Variants in KCNT2 observed in about 807,000 individuals in gnomAD.
KCNT2 encodes potassium channel subfamily T member 2.
In KCNT2, 67 loss-of-function variants were observed where a neutral mutation model predicts 153.8. That is an observed-to-expected ratio of 0.44 (90% CI 0.36 to 0.53). KCNT2 has a LOEUF of 0.53. Among genes scored for constraint, KCNT2 ranks in the 20% least tolerant of loss-of-function variants. KCNT2 has a pLI of 0.00. For synonymous variants in KCNT2, 500 were observed against 458.8 expected, an observed-to-expected ratio of 1.09 and a Z score of -1.15; for missense variants, 975 against 1,354.8, an observed-to-expected ratio of 0.72 and a Z score of 4.40.
At chr1:196,322,308 G>A (rs1663400566) in intron 19 of KCNT2, among the ~76,000 whole-genome samples, 1 of 151,788 alleles carries the variant, frequency 6.6e-6, no homozygotes. Context: ...GTAGACCACA[G>A]TTGCTTAATA....
In KCNT2 at chr1:196,398,658, A is replaced by G. The variant is rs966003012; in HGVS notation, c.1199T>C (p.Ile400Thr). ...VDRTSSDHQT[I>T]LRAWAVKDFA... Reference sequence around the variant, plus strand: ...ATCTTTCACAGCCCATGCTCTCAAAATTGTTTGGTGATCCTGAAGTGATCA... The same window carrying G: ...ATCTTTCACAGCCCATGCTCTCAAAGTTGTTTGGTGATCCTGAAGTGATCA... The change falls in exon 13 of 28, where the codon ATT becomes ACT. Residue 400 changes from isoleucine to threonine, a missense_variant. Ile to Thr is a moderately conservative substitution (Grantham distance 89). Transcript: ENST00000294725. 3.8e-6 allele frequency: 6 copies of G among 1,595,034 alleles called. No homozygotes were observed. Among genetic ancestry groups the G allele is most frequent in the Non-Finnish European group, 5.2e-6 (6 of 1,164,154 alleles).
intron 22 of KCNT2, among the ~76,000 whole-genome samples, chr1:196,287,131 G>A (rs1010644492): frequency 1.3e-5 from 2 of 152,036 alleles, no homozygotes; most frequent in Admixed American, 1.3e-4. Context: ...GTAAGGCAAA[G>A]GATAGGAAAG....
rs1677517913 is a variant in KCNT2, at chr1:196,465,397, T to C, written c.544-10A>G. ...CTCTGTGTAGATCATTCTAAAATAATACAGAAAAAAAGTTGTAAATTTTGA... is the reference window on the plus strand; with the variant it reads ...CTCTGTGTAGATCATTCTAAAATAACACAGAAAAAAAGTTGTAAATTTTGA... On this transcript the variant is annotated splice_polypyrimidine_tract_variant and intron_variant, in intron 7 of 27. Coordinates refer to ENST00000294725, the MANE Select transcript of KCNT2 (RefSeq NM_198503.5). 3 of 1,525,838 alleles carry C rather than the reference T, an allele frequency of 2.0e-6. No individual in the cohort carries two copies. Among genetic ancestry groups the C allele is most frequent in the East Asian group, 2.3e-5 (1 of 43,790 alleles). The allele number at this position is 1,525,838 out of a possible 1,614,324, so 94.5% of individuals were successfully genotyped here. A position where few individuals can be genotyped will look rare whatever the true frequency, so the allele number is the denominator to read the frequency against.
intron 13 of KCNT2, among the ~76,000 whole-genome samples, chr1:196,373,712 A>C (rs1202695363): frequency 1.3e-5 from 2 of 151,948 alleles, no homozygotes; most frequent in Non-Finnish European, 2.9e-5. Flanking sequence ...TTTAGAAAGT[A>C]ATTATTAAAA....
At chr1:196,592,647 A>T (rs1663515703) in intron 1 of KCNT2, among the ~76,000 whole-genome samples, 1 of 147,136 alleles carries the variant, frequency 6.8e-6, no homozygotes, top group Non-Finnish European at 1.5e-5. Flanking sequence ...ATAGTTAGAA[A>T]TACATATATA....
chr1:196,576,517 A>T (rs1271113961), intron 1 of KCNT2, among the ~76,000 whole-genome samples: 1 of 152,148 alleles, frequency 6.6e-6, no homozygotes, highest in Non-Finnish European at 1.5e-5. Context: ...AAAATTTTGC[A>T]CATTATTCTT....
At chr1:196,371,015 T>A (rs1668482393) in intron 14 of KCNT2, among the ~76,000 whole-genome samples, 2 of 151,926 alleles carry the variant, frequency 1.3e-5, no homozygotes, top group South Asian at 4.1e-4. Flanking sequence ...TGCACATATA[T>A]CCCCTGAATC....
At chr1:196,286,638 T>TACACACAC (rs201006771) in intron 22 of KCNT2, among the ~76,000 whole-genome samples, 27 of 134,310 alleles carry the variant, frequency 2.0e-4, no homozygotes, top group African/African-American at 4.5e-4. Flanking sequence ...CACACACACA[T>TACACACAC]ACACACACAC....
intron 12 of KCNT2, among the ~76,000 whole-genome samples, chr1:196,408,775 A>G (rs1672043407): frequency 6.6e-6 from 1 of 151,632 alleles, no homozygotes; most frequent in African/African-American, 2.4e-5. Context: ...TCTCTGCTAT[A>G]TCTTTTCTGG....
At chr1:196,442,715 G>A (rs932607131) in intron 8 of KCNT2, among the ~76,000 whole-genome samples, 1 of 151,572 alleles carries the variant, frequency 6.6e-6, no homozygotes, top group Non-Finnish European at 1.5e-5. Context: ...ACAGGACTCT[G>A]AAGCAGAGAA....
intron 14 of KCNT2, among the ~76,000 whole-genome samples, chr1:196,343,462 T>C (rs570162578): frequency 6.6e-6 from 1 of 152,190 alleles, no homozygotes; most frequent in East Asian, 1.9e-4. Context: ...AAAATCAAAA[T>C]AATTTATCAT....
At chr1:196,588,074 G>A (rs1183001541) in intron 1 of KCNT2, among the ~76,000 whole-genome samples, 2 of 152,004 alleles carry the variant, frequency 1.3e-5, no homozygotes, top group African/African-American at 4.8e-5. Context: ...AAAGAAAGGG[G>A]CAAATTCTCT....
At chr1:196,228,386 C>A (rs1653657493) in intron 27 of KCNT2, 51 bp from the exon 28 acceptor site, 1 of 872,462 alleles carries the variant, frequency 1.1e-6, no homozygotes, top group Non-Finnish European at 1.9e-6. Flanking sequence ...ATACAGGCAA[C>A]ATTAATTCAC....
intron 25 of KCNT2, among the ~76,000 whole-genome samples, chr1:196,274,605 T>G (rs1658380925): frequency 6.6e-6 from 1 of 151,784 alleles, no homozygotes; most frequent in Non-Finnish European, 1.5e-5. Context: ...CTTCCCATTG[T>G]AATAGTAAAG....
At chr1:196,364,373 C>A (rs1667872122) in intron 14 of KCNT2, among the ~76,000 whole-genome samples, 1 of 152,112 alleles carries the variant, frequency 6.6e-6, no homozygotes. Flanking sequence ...GGTATTAACA[C>A]CCATCCAAAA....
intron 1 of KCNT2, among the ~76,000 whole-genome samples, chr1:196,510,200 G>A (rs76382403): frequency 0.03 from 4,584 of 152,164 alleles, 235 homozygotes; most frequent in African/African-American, 0.11. Context: ...GCCCATGTAA[G>A]TTAAAAGAAC....
At chr1:196,515,252 T>C (rs891855985) in intron 1 of KCNT2, among the ~76,000 whole-genome samples, 2 of 152,112 alleles carry the variant, frequency 1.3e-5, no homozygotes, top group African/African-American at 2.4e-5. Flanking sequence ...GGCTTGCAAA[T>C]AGAACTGAGA....
At position 196,300,559 on chromosome 1, in the gene KCNT2, G is replaced by A. The variant is rs1244776110; in HGVS notation, c.2595+4675C>T. ...GGAGGGCAATGTCCTCATATCTGAA[G>A]ACAAAGAGATGCCAAGAAGATCTGA... On this transcript the variant is annotated intron_variant, in intron 22 of 27. Coordinates refer to ENST00000294725, the MANE Select transcript of KCNT2 (RefSeq NM_198503.5). Among the ~76,000 whole-genome samples the A allele has an allele frequency of 2.0e-5, 3 of 152,066 alleles. No homozygotes were observed. In the East Asian group the frequency reaches 5.8e-4, roughly 30 times the overall value.
chr1:196,285,625 T>G (rs1659584632), intron 23 of KCNT2, 32 bp downstream of exon 23: 1 of 1,348,882 alleles, frequency 7.4e-7, no homozygotes, highest in African/African-American at 1.5e-5. Context: ...AAAACAACCA[T>G]TTTAGAGAAA....
Sources: allele counts gnomAD v4.1 joint callset (sites outside exome capture counted in the v4.1 genomes callset), GRCh38; gene constraint gnomAD v4.1.1; transcripts MANE v1.5; gene names NCBI Gene and HGNC (gene_info 2026-07-23, HGNC 2026-07-21).